SORCS2: variants seen among roughly 807,000 people sequenced by gnomAD.
SORCS2 encodes the protein VPS10 domain-containing receptor SorCS2.
A neutral mutation model predicts 141.6 loss-of-function variants in SORCS2; 100 were observed. That is an observed-to-expected ratio of 0.71 (90% CI 0.60 to 0.83). The LOEUF (loss-of-function observed/expected upper bound fraction) is 0.83, where lower values mean the gene tolerates loss of function less well. SORCS2 is among the 40% of genes least tolerant of loss of function. The probability of loss-of-function intolerance (pLI) is 0.00; values close to 1 mark genes in which losing one functional copy is unlikely to be tolerated. For missense variants in SORCS2, 1,646 were observed against 1,560.2 expected, an observed-to-expected ratio of 1.05 and a Z score of -0.93; for synonymous variants, 789 against 676.9, an observed-to-expected ratio of 1.17 and a Z score of -2.57.
At chr4:7,717,356 G>C (rs995451486) in intron 17 of SORCS2, among the ~76,000 whole-genome samples, 2 of 152,212 alleles carry the variant, frequency 1.3e-5, no homozygotes, top group African/African-American at 2.4e-5. Context: ...TCACTCTGAC[G>C]TGATCTGCTC....
At chr4:7,447,357 C>T (rs914746080) in intron 2 of SORCS2, among the ~76,000 whole-genome samples, 17 of 152,266 alleles carry the variant, frequency 1.1e-4, no homozygotes, top group Non-Finnish European at 2.2e-4. Flanking sequence ...CTACTAGTGC[C>T]TGACAAGGGT....
Position 7,649,251 on chromosome 4 carries a change from C to G in SORCS2, c.814-4883C>G, listed in dbSNP as rs1721278078. On this transcript the variant is annotated intron_variant, in intron 4 of 26. Coordinates refer to ENST00000507866, the MANE Select transcript of SORCS2 (RefSeq NM_020777.3). ...GCAGATGCTCAGAGGACCCTGTGCACATATTAGTGCCACATGTGTGAGTGA... is the reference window on the plus strand; with the variant it reads ...GCAGATGCTCAGAGGACCCTGTGCAGATATTAGTGCCACATGTGTGAGTGA... Among the ~76,000 whole-genome samples, 8 of 150,930 alleles carry G rather than the reference C, an allele frequency of 5.3e-5. No individual in the cohort carries two copies. The South Asian group carries it at 1.7e-3, about 32-fold the overall frequency.
intron 2 of SORCS2, among the ~76,000 whole-genome samples, chr4:7,425,266 G>T (rs1404679027): frequency 6.6e-6 from 1 of 152,216 alleles, no homozygotes; most frequent in East Asian, 1.9e-4. Context: ...AGAGACCCCA[G>T]GACTGGCCTG....
At chr4:7,530,774 G>C (rs1474071981) in intron 2 of SORCS2, among the ~76,000 whole-genome samples, 1 of 152,192 alleles carries the variant, frequency 6.6e-6, no homozygotes, top group Non-Finnish European at 1.5e-5. Flanking sequence ...CCCTCTTCTT[G>C]CTGGGCAGCC....
intron 1 of SORCS2, among the ~76,000 whole-genome samples, chr4:7,371,220 C>T (rs1722226109): frequency 6.6e-6 from 1 of 152,162 alleles, no homozygotes; most frequent in African/African-American, 2.4e-5. Flanking sequence ...GGATCGTGCC[C>T]ACGTGTGTAC....
At chr4:7,493,483 C>T (rs1465002775) in intron 2 of SORCS2, among the ~76,000 whole-genome samples, 2 of 152,232 alleles carry the variant, frequency 1.3e-5, no homozygotes, top group South Asian at 2.1e-4. Flanking sequence ...GTGGGTATCT[C>T]TGTGGGTACA....
At chr4:7,371,159 G>C (rs140865696) in intron 1 of SORCS2, among the ~76,000 whole-genome samples, 279 of 152,356 alleles carry the variant, frequency 1.8e-3, no homozygotes, top group African/African-American at 6.5e-3. Context: ...AGGTGGAAAC[G>C]TGGGTGCAGG....
At chr4:7,674,401 G>A (rs991237751) in intron 8 of SORCS2, among the ~76,000 whole-genome samples, 11 of 150,580 alleles carry the variant, frequency 7.3e-5, no homozygotes, top group Admixed American at 2.6e-4. Context: ...GTGAAACCCC[G>A]TCTCTACTAA....
rs568325641 is a variant in SORCS2 at position 7,386,271 on chromosome 4, TACAC to T, written c.481-10014_481-10011del. ...GCACACACATACAGGTACACAGAGA[TACAC>T]ACGCACATGCACACACATGCACACA... On this transcript the variant is annotated intron_variant, in intron 1 of 26. Transcript: ENST00000507866. 7.9e-3 allele frequency among the ~76,000 whole-genome samples: 467 copies of T among 59,348 alleles called. 25 individuals are homozygous for T. The highest frequency in any genetic ancestry group is 0.031 in the African/African-American group (427 of 13,616). 38.9% of individuals were successfully genotyped at this position (59,348 alleles called of 152,430 possible).
intron 1 of SORCS2, among the ~76,000 whole-genome samples, chr4:7,251,413 A>AT (rs1451840924): frequency 6.6e-6 from 1 of 152,146 alleles, no homozygotes; most frequent in Non-Finnish European, 1.5e-5. Flanking sequence ...ACCAGGACTG[A>AT]TTTTCACCTT....
intron 2 of SORCS2, among the ~76,000 whole-genome samples, chr4:7,419,314 G>A (rs1009654300): frequency 6.6e-6 from 1 of 152,136 alleles, no homozygotes; most frequent in Non-Finnish European, 1.5e-5. Flanking sequence ...ACTCCATCTG[G>A]AGAAGACCTT....
At chr4:7,499,575 C>T (rs188584857) in intron 2 of SORCS2, among the ~76,000 whole-genome samples, 1 of 151,944 alleles carries the variant, frequency 6.6e-6, no homozygotes, top group Non-Finnish European at 1.5e-5. Flanking sequence ...CACTGGCTGG[C>T]GGGTGGGGGC....
At chr4:7,464,945 G>A (rs1023127891) in intron 2 of SORCS2, among the ~76,000 whole-genome samples, 3 of 152,236 alleles carry the variant, frequency 2.0e-5, no homozygotes, top group Non-Finnish European at 2.9e-5. Flanking sequence ...CCTCCACGGC[G>A]GCTCCTCGCT....
chr4:7,622,048 G>A (rs945786711), intron 3 of SORCS2, among the ~76,000 whole-genome samples: 1 of 152,106 alleles, frequency 6.6e-6, no homozygotes, highest in Non-Finnish European at 1.5e-5. Context: ...GTAAGGCCTG[G>A]AAATACCCAC....
chr4:7,276,136 C>T (rs898121224), intron 1 of SORCS2, among the ~76,000 whole-genome samples: 1 of 152,196 alleles, frequency 6.6e-6, no homozygotes, highest in Non-Finnish European at 1.5e-5. Flanking sequence ...AGCCACCAGC[C>T]CCGCTCATAG....
At chr4:7,535,918 T>C (rs140709769) in intron 3 of SORCS2, among the ~76,000 whole-genome samples, 9 of 152,376 alleles carry the variant, frequency 5.9e-5, no homozygotes, top group Non-Finnish European at 1.0e-4. Context: ...CCTCTGTGTT[T>C]AGAGAACAAA....
At chr4:7,466,815 G>A (rs1577611859) in intron 2 of SORCS2, among the ~76,000 whole-genome samples, 1 of 152,212 alleles carries the variant, frequency 6.6e-6, no homozygotes. Context: ...GGTGCTGGGA[G>A]GCATAGGCAC....
intron 1 of SORCS2, among the ~76,000 whole-genome samples, chr4:7,301,524 T>A (rs547765060): frequency 6.6e-6 from 1 of 152,182 alleles, no homozygotes; most frequent in Non-Finnish European, 1.5e-5. Context: ...GGCTGACCCC[T>A]GAGTATGGGC....
intron 1 of SORCS2, among the ~76,000 whole-genome samples, chr4:7,392,902 G>T (rs966057680): frequency 7.4e-6 from 1 of 135,246 alleles, no homozygotes; most frequent in Admixed American, 8.2e-5. Context: ...CCCAGTCGGG[G>T]GGGGGGGGGT....
Sources: allele counts gnomAD v4.1 joint callset (sites outside exome capture counted in the v4.1 genomes callset), GRCh38; gene constraint gnomAD v4.1.1; transcripts MANE v1.5; gene names NCBI Gene and HGNC (gene_info 2026-07-23, HGNC 2026-07-21).